The following LDLRAD4 variants were observed in gnomAD, a reference collection of about 807,000 sequenced individuals.
LDLRAD4 encodes low density lipoprotein receptor class A domain containing 4, also known as low-density lipoprotein receptor class A domain-containing protein 4.
LDLRAD4 carries 5 observed loss-of-function variants against 17.0 expected under a neutral mutation model. The ratio of observed to expected loss-of-function variants is 0.29; its 90% CI spans 0.15 to 0.62. The LOEUF is 0.62. Among genes scored for constraint, LDLRAD4 ranks in the 20% least tolerant of loss-of-function variants. The pLI is 0.84. For synonymous variants in LDLRAD4, 168 were observed against 171.8 expected (o/e 0.98, Z 0.17); for missense variants, 340 against 424.7 (o/e 0.80, Z 1.75).
chr18:13,548,838 C>T (rs1337309162), intron 3 of LDLRAD4, among the ~76,000 whole-genome samples: 1 of 152,226 alleles, frequency 6.6e-6, no homozygotes, highest in African/African-American at 2.4e-5. Flanking sequence ...CTGCTGCAGC[C>T]AGCATCATGG....
At chr18:13,224,393 A>T (rs182647173) in intron 1 of LDLRAD4, among the ~76,000 whole-genome samples, 5 of 151,402 alleles carry the variant, frequency 3.3e-5, no homozygotes, top group Non-Finnish European at 5.9e-5. Context: ...TGTGCTGGGA[A>T]TGCCCCCACC....
intron 4 of LDLRAD4, among the ~76,000 whole-genome samples, chr18:13,633,796 C>T (rs374854971): frequency 3.2e-4 from 49 of 152,304 alleles, no homozygotes; most frequent in Non-Finnish European, 2.5e-4. Context: ...GCCCTGGGTC[C>T]GCAGCTGCAG....
chr18:13,456,824 C>T (rs2146481950), intron 3 of LDLRAD4, among the ~76,000 whole-genome samples: 1 of 152,334 alleles, frequency 6.6e-6, no homozygotes, highest in South Asian at 2.1e-4. Context: ...AATCATAGGT[C>T]AGCAGAACAA....
At chr18:13,441,499 C>G (rs1487895741) in intron 3 of LDLRAD4, among the ~76,000 whole-genome samples, 3 of 152,208 alleles carry the variant, frequency 2.0e-5, no homozygotes, top group Admixed American at 1.3e-4. Context: ...CTTGTTCCCA[C>G]CTGGGGGATA....
intron 3 of LDLRAD4, among the ~76,000 whole-genome samples, chr18:13,477,395 A>T (rs1037627679): frequency 6.6e-6 from 1 of 152,164 alleles, no homozygotes; most frequent in Admixed American, 6.5e-5. Flanking sequence ...TGCCTCCATG[A>T]CCCATGAGAA....
At chr18:13,262,850 C>CTG (rs1179735283) in intron 1 of LDLRAD4, among the ~76,000 whole-genome samples, 2 of 112,604 alleles carry the variant, frequency 1.8e-5, no homozygotes, top group Non-Finnish European at 1.7e-5. Flanking sequence ...CCGTGCGGCT[C>CTG]CGTGCGTTGG....
intron 2 of LDLRAD4, among the ~76,000 whole-genome samples, chr18:13,407,207 C>T (rs533962104): frequency 1.3e-5 from 2 of 152,180 alleles, no homozygotes; most frequent in African/African-American, 4.8e-5. Flanking sequence ...GTCACCTGCG[C>T]GACTCTGGTG....
In LDLRAD4 at chr18:13,430,524, C is replaced by T. The variant is rs1042954847; in HGVS notation, c.41-7720C>T. Among the ~76,000 whole-genome samples the T allele has an allele frequency of 5.9e-5, 9 of 152,104 alleles. No homozygotes were observed. The South Asian group carries it at 8.3e-4, about 14-fold the overall frequency. ...CTTGGCGCCCAAAGTCTACCTACCA[C>T]GTTGTACACAGTGAGATCCCGGAAC... On this transcript the variant is annotated intron_variant, in intron 2 of 5. Coordinates refer to ENST00000359446, the Ensembl canonical transcript of LDLRAD4.
intron 1 of LDLRAD4, among the ~76,000 whole-genome samples, chr18:13,244,637 C>A (rs1233133383): frequency 6.6e-6 from 1 of 152,154 alleles, no homozygotes; most frequent in Admixed American, 6.5e-5. Flanking sequence ...ATATTGTAGT[C>A]ATTTACGTTT....
intron 1 of LDLRAD4, among the ~76,000 whole-genome samples, chr18:13,366,802 G>T (rs1356414995): frequency 6.6e-6 from 1 of 152,186 alleles, no homozygotes. Context: ...GCAGTGATGG[G>T]TGCTGACGGT....
At chr18:13,382,712 T>A (rs917727425) in intron 1 of LDLRAD4, 2 of 152,396 alleles carry the variant, frequency 1.3e-5, no homozygotes, top group Non-Finnish European at 2.9e-5. Flanking sequence ...ATCTTGACTG[T>A]GACCTTGCGT....
At chr18:13,272,672 T>C (rs2146145382) in intron 1 of LDLRAD4, among the ~76,000 whole-genome samples, 1 of 152,334 alleles carries the variant, frequency 6.6e-6, no homozygotes, top group African/African-American at 2.4e-5. Flanking sequence ...GCGGTCATGC[T>C]TTAGGCTGCT....
intron 3 of LDLRAD4, among the ~76,000 whole-genome samples, chr18:13,563,766 G>A (rs1009875911): frequency 6.6e-6 from 1 of 152,174 alleles, no homozygotes; most frequent in Non-Finnish European, 1.5e-5. Flanking sequence ...GAAGCCACAA[G>A]ACCGACCCCT....
intron 3 of LDLRAD4, among the ~76,000 whole-genome samples, chr18:13,494,236 A>G (rs2093415622): frequency 6.6e-6 from 1 of 152,166 alleles, no homozygotes; most frequent in Non-Finnish European, 1.5e-5. Flanking sequence ...ACACAAAAGC[A>G]TATATTCACC....
At chr18:13,369,271 G>C (rs1196192027) in intron 1 of LDLRAD4, among the ~76,000 whole-genome samples, 2 of 152,194 alleles carry the variant, frequency 1.3e-5, no homozygotes, top group Non-Finnish European at 2.9e-5. Flanking sequence ...TGGTGCTGGA[G>C]GTGTAGGAAT....
At chr18:13,374,640 GAGTC>G in intron 1 of LDLRAD4, among the ~76,000 whole-genome samples, 1 of 152,362 alleles carries the variant, frequency 6.6e-6, no homozygotes, top group Admixed American at 6.5e-5. Flanking sequence ...AGACACTGCA[GAGTC>G]CTGCCCCAGC....
At chr18:13,263,310 C>T (rs2044021695) in intron 1 of LDLRAD4, among the ~76,000 whole-genome samples, 1 of 152,008 alleles carries the variant, frequency 6.6e-6, no homozygotes, top group African/African-American at 2.4e-5. Context: ...TCCCATGCGG[C>T]TCTGTGTGTG....
At chr18:13,536,147 T>C (rs2094198296) in intron 3 of LDLRAD4, among the ~76,000 whole-genome samples, 1 of 152,176 alleles carries the variant, frequency 6.6e-6, no homozygotes, top group African/African-American at 2.4e-5. Context: ...ACATAGAAAT[T>C]TTCAATTTAG....
chr18:13,350,408 G>T (rs1029666338), intron 1 of LDLRAD4, among the ~76,000 whole-genome samples: 5 of 152,228 alleles, frequency 3.3e-5, no homozygotes, highest in East Asian at 1.9e-4. Context: ...TTCATTGTTT[G>T]TTGGCCACAT....
Sources: gnomAD v4.1 joint callset for allele counts (sites outside exome capture counted in the v4.1 genomes callset) on GRCh38, gnomAD v4.1.1 for gene constraint, MANE v1.5 for transcripts, NCBI Gene and HGNC (gene_info 2026-07-23, HGNC 2026-07-21) for gene names.